The following CSMD1 variants were observed in gnomAD, a reference collection of about 807,000 sequenced individuals.
The protein encoded by CSMD1 is CUB and sushi domain-containing protein 1.
CSMD1 carries 213 observed loss-of-function variants against 417.5 expected under a neutral mutation model. The observed-to-expected ratio is 0.51, with a 90% confidence interval of 0.46 to 0.57. CSMD1 has a LOEUF of 0.57. Among genes scored for constraint, CSMD1 ranks in the 20% least tolerant of loss-of-function variants. The pLI, the probability that CSMD1 is intolerant of heterozygous loss-of-function variation, is 0.00. For synonymous variants in CSMD1, 2,862 were observed against 1,736.8 expected (o/e 1.65, Z -16.11); for missense variants, 6,923 against 4,529.7 (o/e 1.53, Z -15.17).
At chr8:4,360,723 T>C (rs1358917885) in intron 3 of CSMD1, among the ~76,000 whole-genome samples, 3 of 152,148 alleles carry the variant, frequency 2.0e-5, no homozygotes, top group Non-Finnish European at 2.9e-5. Context: ...TCCGATCTCC[T>C]GACCTCGTGA....
At chr8:4,212,575 A>C (rs1448495698) in intron 3 of CSMD1, among the ~76,000 whole-genome samples, 1 of 152,108 alleles carries the variant, frequency 6.6e-6, no homozygotes, top group East Asian at 1.9e-4. Flanking sequence ...ATAGTTGATC[A>C]AGGCCTGACA....
At chr8:4,641,689 C>G (rs1219360592) in intron 1 of CSMD1, among the ~76,000 whole-genome samples, 4 of 152,176 alleles carry the variant, frequency 2.6e-5, no homozygotes. Flanking sequence ...CAACCCAGTG[C>G]ATTACAGACC....
intron 1 of CSMD1, among the ~76,000 whole-genome samples, chr8:4,761,483 C>T (rs1812040666): frequency 6.6e-6 from 1 of 151,908 alleles, no homozygotes; most frequent in East Asian, 1.9e-4. Context: ...AGTGTGAATA[C>T]TAAACATTTA....
intron 3 of CSMD1, among the ~76,000 whole-genome samples, chr8:4,087,941 A>T (rs915520416): frequency 1.3e-5 from 2 of 152,168 alleles, no homozygotes; most frequent in Non-Finnish European, 2.9e-5. Flanking sequence ...TTGTGACCAA[A>T]CAGGCTAAGA....
intron 5 of CSMD1, among the ~76,000 whole-genome samples, chr8:3,828,066 T>C (rs1188573772): frequency 5.3e-5 from 8 of 152,208 alleles, no homozygotes; most frequent in Non-Finnish European, 2.9e-5. Context: ...GAGCAAAAAG[T>C]TATGCCACAC....
chr8:3,552,409 T>C (rs1055491639), intron 10 of CSMD1, among the ~76,000 whole-genome samples: 2 of 152,180 alleles, frequency 1.3e-5, no homozygotes, highest in African/African-American at 4.8e-5. Flanking sequence ...AAATAAACAG[T>C]TCATAACAAT....
chr8:4,193,411 TG>T (rs1799149069), intron 3 of CSMD1, among the ~76,000 whole-genome samples: 1 of 152,194 alleles, frequency 6.6e-6, no homozygotes, highest in African/African-American at 2.4e-5. Flanking sequence ...CTTCCAAGTC[TG>T]TTTGCTTCTC....
chr8:3,941,139 G>C (rs1287580394), intron 5 of CSMD1, among the ~76,000 whole-genome samples: 1 of 151,884 alleles, frequency 6.6e-6, no homozygotes, highest in African/African-American at 2.4e-5. Context: ...ATACAGTTAA[G>C]AAGAAATAAA....
At chr8:4,750,108 C>G (rs374771126) in intron 1 of CSMD1, among the ~76,000 whole-genome samples, 1 of 152,180 alleles carries the variant, frequency 6.6e-6, no homozygotes, top group Non-Finnish European at 1.5e-5. Context: ...CGGGTTCACC[C>G]CATTCTCCTG....
At chr8:3,926,321 C>A (rs1050208325) in intron 5 of CSMD1, among the ~76,000 whole-genome samples, 1 of 152,126 alleles carries the variant, frequency 6.6e-6, no homozygotes, top group Non-Finnish European at 1.5e-5. Flanking sequence ...ACTTTTCAAT[C>A]TATTACACAC....
chr8:4,415,076 C>A (rs984400942), intron 3 of CSMD1, among the ~76,000 whole-genome samples: 3 of 152,052 alleles, frequency 2.0e-5, no homozygotes, highest in African/African-American at 7.2e-5. Flanking sequence ...GCTTTTTTTG[C>A]AAAGGATCTC....
chr8:4,077,489 C>G (rs938888822), intron 3 of CSMD1, among the ~76,000 whole-genome samples: 4 of 151,900 alleles, frequency 2.6e-5, no homozygotes, highest in Admixed American at 1.3e-4. Context: ...GGCTTCACCT[C>G]AGTTTACTTG....
chr8:4,551,433 C>A (rs548627372), intron 2 of CSMD1, among the ~76,000 whole-genome samples: 87 of 152,264 alleles, frequency 5.7e-4, no homozygotes, highest in South Asian at 4.1e-3. Flanking sequence ...TTTGTTTTCA[C>A]TTAGATCCTC....
chr8:4,333,591 T>C (rs2128891934), intron 3 of CSMD1, among the ~76,000 whole-genome samples: 1 of 152,310 alleles, frequency 6.6e-6, no homozygotes, highest in African/African-American at 2.4e-5. Flanking sequence ...ATTATTACTC[T>C]TGCTGTTGTT....
intron 26 of CSMD1, among the ~76,000 whole-genome samples, chr8:3,241,198 A>G (rs533280800): frequency 3.3e-5 from 5 of 151,602 alleles, no homozygotes; most frequent in East Asian, 1.9e-4. Flanking sequence ...TAATAAGGGA[A>G]CTGGGCAGGT....
intron 50 of CSMD1, among the ~76,000 whole-genome samples, chr8:3,048,661 C>T (rs147546264): frequency 2.6e-5 from 4 of 151,940 alleles, no homozygotes; most frequent in African/African-American, 7.3e-5. Context: ...AATTGTGGTG[C>T]CCTTGGGTTT....
At chr8:4,373,269 T>C (rs1183143117) in intron 3 of CSMD1, among the ~76,000 whole-genome samples, 1 of 152,072 alleles carries the variant, frequency 6.6e-6, no homozygotes, top group East Asian at 1.9e-4. Context: ...GATAAGTAAA[T>C]GTCAAGTGTG....
intron 5 of CSMD1, among the ~76,000 whole-genome samples, chr8:3,810,089 T>A (rs1011314095): frequency 6.6e-6 from 1 of 152,196 alleles, no homozygotes; most frequent in Admixed American, 6.5e-5. Flanking sequence ...CACATTTAAA[T>A]GTTTATTCAG....
At chr8:4,276,428 G>A (rs117598645) in intron 3 of CSMD1, among the ~76,000 whole-genome samples, 2,819 of 152,122 alleles carry the variant, frequency 0.019, 47 homozygotes, top group Non-Finnish European at 0.028. Flanking sequence ...GAACAATGAG[G>A]ACTCATGGAC....
Sources: gnomAD v4.1 joint callset for allele counts (sites outside exome capture counted in the v4.1 genomes callset) on GRCh38, gnomAD v4.1.1 for gene constraint, MANE v1.5 for transcripts, NCBI Gene and HGNC (gene_info 2026-07-23, HGNC 2026-07-21) for gene names.